The following FBXL13 variants were observed in gnomAD, a reference collection of about 807,000 sequenced individuals.
FBXL13 encodes F-box and leucine rich repeat protein 13, also known as F-box and leucine-rich repeat protein 13.
Under a neutral mutation model 83.6 loss-of-function variants are expected in FBXL13, and 67 were observed. The observed-to-expected ratio is 0.80, with a 90% CI of 0.66 to 0.98. The LOEUF (loss-of-function observed/expected upper bound fraction) is 0.98. Among genes scored for constraint, FBXL13 ranks in the 50% least tolerant of loss-of-function variants. FBXL13 has a pLI of 0.00. For synonymous variants in FBXL13, 272 were observed against 299.5 expected (o/e 0.91, Z 0.95); for missense variants, 822 against 866.5 (o/e 0.95, Z 0.64).
chr7:103,019,397 C>G (rs867954670), intron 6 of FBXL13, among the ~76,000 whole-genome samples: 1 of 152,184 alleles, frequency 6.6e-6, no homozygotes, highest in African/African-American at 2.4e-5. Flanking sequence ...GACACCCTAA[C>G]ATCACAATTA....
intron 10 of FBXL13, among the ~76,000 whole-genome samples, chr7:102,916,140 C>T (rs375002554): frequency 1.3e-5 from 2 of 152,048 alleles, no homozygotes; most frequent in Non-Finnish European, 2.9e-5. Flanking sequence ...CCCACCACGA[C>T]GCCTGGCTAA....
At chr7:102,976,516 C>T (rs1827484156) in intron 6 of FBXL13, among the ~76,000 whole-genome samples, 1 of 152,210 alleles carries the variant, frequency 6.6e-6, no homozygotes, top group South Asian at 2.1e-4. Context: ...TCAACCCAAA[C>T]CCCTCTGGGG....
At chr7:102,843,876 G>T (rs868169578) in intron 17 of FBXL13, among the ~76,000 whole-genome samples, 33 of 152,212 alleles carry the variant, frequency 2.2e-4, no homozygotes, top group Middle Eastern at 3.2e-3. Flanking sequence ...AGGACAATGA[G>T]AGAAGTGGAG....
At chr7:102,942,290 G>A in intron 8 of FBXL13, 3 of 1,597,126 alleles carry the variant, frequency 1.9e-6, no homozygotes, top group Non-Finnish European at 2.6e-6. Context: ...TATATTTCAG[G>A]GTCTTTGAGA....
At chr7:103,023,076 A>G (rs1793401984) in intron 6 of FBXL13, among the ~76,000 whole-genome samples, 1 of 152,102 alleles carries the variant, frequency 6.6e-6, no homozygotes, top group African/African-American at 2.4e-5. Context: ...GGAGATCGAG[A>G]CCATCCTGGC....
At chr7:102,906,674 C>G (rs2129467588) in intron 11 of FBXL13, among the ~76,000 whole-genome samples, 1 of 152,304 alleles carries the variant, frequency 6.6e-6, no homozygotes, top group South Asian at 2.1e-4. Flanking sequence ...ATGTCATTCT[C>G]TTCTAGCATG....
At chr7:103,011,275 C>T (rs1179388989) in intron 6 of FBXL13, among the ~76,000 whole-genome samples, 1 of 152,016 alleles carries the variant, frequency 6.6e-6, no homozygotes, top group African/African-American at 2.4e-5. Context: ...TAGTTAAAAC[C>T]CAATCCAAGA....
chr7:102,833,351 T>C (rs1046669024), intron 17 of FBXL13, among the ~76,000 whole-genome samples: 4 of 151,952 alleles, frequency 2.6e-5, no homozygotes, highest in Admixed American at 2.0e-4. Context: ...TTCTTTGGAA[T>C]CAGACAGACC....
At chr7:102,965,033 C>T (rs1337286710) in intron 7 of FBXL13, among the ~76,000 whole-genome samples, 1 of 152,158 alleles carries the variant, frequency 6.6e-6, no homozygotes, top group Non-Finnish European at 1.5e-5. Flanking sequence ...ACAAAATGCA[C>T]AGTATCTAGA....
At position 103,006,127 on chromosome 7, in the gene FBXL13, G is replaced by A. The variant is rs191680241; in HGVS notation, c.495+18936C>T. On this transcript the variant is annotated intron_variant, in intron 6 of 19. Transcript: ENST00000313221. Reference sequence around the variant, plus strand: ...TAGCCCAGGTTTACTACTTGGGGGCGTATATTAGCTACTTATGATAGAAGC... The same window carrying A: ...TAGCCCAGGTTTACTACTTGGGGGCATATATTAGCTACTTATGATAGAAGC... 5.9e-5 allele frequency among the ~76,000 whole-genome samples: 9 copies of A among 152,322 alleles called. 1 individual carries two copies. Among genetic ancestry groups the A allele is most frequent in the Admixed American group, 5.2e-4 (8 of 15,294 alleles).
chr7:102,873,538 T>C lies in FBXL13; in HGVS notation c.1635+3929A>G, dbSNP rs75851679. On this transcript the variant is annotated intron_variant, in intron 16 of 19. Coordinates refer to ENST00000313221, the Ensembl canonical transcript of FBXL13. ...ACTTTTCACCTGGATGACTACTTGA[T>C]AATTGGTCACTATGCATCTGTGATT... Among the ~76,000 whole-genome samples, 565 of 152,346 alleles carry C rather than the reference T, an allele frequency of 3.7e-3. 5 individuals are homozygous for C. Among genetic ancestry groups the C allele is most frequent in the African/African-American group, 0.013 (557 of 41,572 alleles).
intron 6 of FBXL13, among the ~76,000 whole-genome samples, chr7:103,008,387 GT>G (rs879662391): frequency 7.2e-5 from 11 of 152,114 alleles, no homozygotes; most frequent in Admixed American, 3.3e-4. Flanking sequence ...ATGATCAACT[GT>G]AAAAGCATGC....
At chr7:102,818,524 G>T (rs1362641943) in intron 19 of FBXL13, among the ~76,000 whole-genome samples, 1 of 152,154 alleles carries the variant, frequency 6.6e-6, no homozygotes, top group East Asian at 1.9e-4. Flanking sequence ...CATCAGAAAG[G>T]CTTGAACCTT....
chr7:102,968,196 T>TGTGCACACATGTGC, intron 6 of FBXL13, 79 bp from the exon 8 acceptor site: 1 of 851,550 alleles, frequency 1.2e-6, no homozygotes, highest in Non-Finnish European at 1.9e-6. Flanking sequence ...TGTCTGTGTG[T>TGTGCACACATGTGC]GTGCACACAT....
intron 17 of FBXL13, among the ~76,000 whole-genome samples, chr7:102,842,022 C>G (rs1803030451): frequency 6.6e-6 from 1 of 152,162 alleles, no homozygotes; most frequent in Non-Finnish European, 1.5e-5. Context: ...AACCAGAGAC[C>G]CTCTGGAATC....
Position 102,925,802 on chromosome 7 carries a change from G to A in FBXL13, c.878+472C>T, listed in dbSNP as rs143354492. 2.8e-3 allele frequency among the ~76,000 whole-genome samples: 430 copies of A among 152,102 alleles called. 3 individuals carry two copies. The highest frequency in any genetic ancestry group is 0.01 in the Middle Eastern group (3 of 294). ...ACTAAAAATACAAAAATAGCCAGGCGTGGTGGTGGGCACCTGTAATCCCAA... is the reference window on the plus strand; with the variant it reads ...ACTAAAAATACAAAAATAGCCAGGCATGGTGGTGGGCACCTGTAATCCCAA... On this transcript the variant is annotated intron_variant, in intron 10 of 19. Coordinates refer to ENST00000313221, the Ensembl canonical transcript of FBXL13.
chr7:102,916,037 G>A (rs538712911), intron 10 of FBXL13, among the ~76,000 whole-genome samples: 1 of 151,584 alleles, frequency 6.6e-6, no homozygotes, highest in East Asian at 1.9e-4. Context: ...AGGCTGGAGT[G>A]CAATGGCATG....
intron 16 of FBXL13, among the ~76,000 whole-genome samples, chr7:102,862,140 C>T (rs570896156): frequency 3.3e-5 from 5 of 152,032 alleles, no homozygotes; most frequent in East Asian, 3.9e-4. Flanking sequence ...GTCAGGAGTT[C>T]GAGACCAGCC....
chr7:102,874,205 C>A (rs977012558), intron 16 of FBXL13: 13 of 265,494 alleles, frequency 4.9e-5, no homozygotes, highest in Non-Finnish European at 5.8e-5. Context: ...GAGTTTAAAT[C>A]CTGAATGTTA....
Sources: gnomAD v4.1 joint callset for allele counts (sites outside exome capture counted in the v4.1 genomes callset) on GRCh38, gnomAD v4.1.1 for gene constraint, MANE v1.5 for transcripts, NCBI Gene and HGNC (gene_info 2026-07-23, HGNC 2026-07-21) for gene names.